Variants in GAS2 observed in about 807,000 individuals in gnomAD.
GAS2 encodes growth arrest specific 2.
In GAS2, 20 loss-of-function variants were observed where a neutral mutation model predicts 37.5. That is an observed-to-expected ratio of 0.53 (90% CI 0.37 to 0.77). The LOEUF (loss-of-function observed/expected upper bound fraction) is 0.77, where lower values mean the gene tolerates loss of function less well. GAS2 is among the 30% of genes least tolerant of loss of function. The probability of loss-of-function intolerance (pLI) is 0.00; values close to 1 mark genes in which losing one functional copy is unlikely to be tolerated. For missense variants in GAS2, 336 were observed against 373.4 expected (o/e 0.90, Z 0.82); for synonymous variants, 144 against 132.2 (o/e 1.09, Z -0.61).
chr11:22,674,234 C>A (rs405580), intron 1 of GAS2, among the ~76,000 whole-genome samples: 1 of 149,542 alleles, frequency 6.7e-6, no homozygotes, highest in Admixed American at 6.6e-5. Flanking sequence ...TTTTATTTTT[C>A]TTTTTTTGGT....
chr11:22,659,481 T>C (rs936356014), intron 1 of GAS2, among the ~76,000 whole-genome samples: 1 of 152,190 alleles, frequency 6.6e-6, no homozygotes, highest in African/African-American at 2.4e-5. Context: ...AGATTATTTC[T>C]GTGTAGGATT....
At position 22,812,028 on chromosome 11, in the gene GAS2, C is replaced by G. The variant is rs761424419; in HGVS notation, c.*12C>G. On this transcript the variant is annotated 3_prime_UTR_variant, in exon 8 of 8. Coordinates refer to ENST00000454584, the MANE Select transcript of GAS2 (RefSeq NM_001143830.3). ...AGGAAATTAAGTGAAACAAATTGGT[C>G]ATGACAAGGGGACCCTCATAATGGC... 2 of 1,602,140 alleles carry G rather than the reference C, an allele frequency of 1.2e-6. No homozygotes were observed. Among genetic ancestry groups the G allele is most frequent in the South Asian group, 2.2e-5 (2 of 90,774 alleles).
intron 1 of GAS2, among the ~76,000 whole-genome samples, chr11:22,659,758 C>T (rs925500106): frequency 1.4e-4 from 21 of 151,442 alleles, no homozygotes; most frequent in Non-Finnish European, 4.4e-5. Flanking sequence ...TAGTTTTTAT[C>T]TAAGACATTT....
intron 7 of GAS2, among the ~76,000 whole-genome samples, chr11:22,796,249 A>C (rs1384055379): frequency 6.6e-6 from 1 of 152,046 alleles, no homozygotes; most frequent in Non-Finnish European, 1.5e-5. Context: ...CTCCTTTATT[A>C]AACTGCATTT....
intron 2 of GAS2, 47 bp downstream of exon 2, chr11:22,675,061 T>G: frequency 6.3e-7 from 1 of 1,594,706 alleles, no homozygotes; most frequent in East Asian, 2.2e-5. Flanking sequence ...ACAGTTTTTG[T>G]TTTATTTTTC....
intron 1 of GAS2, among the ~76,000 whole-genome samples, chr11:22,643,372 T>G (rs1848652258): frequency 6.6e-6 from 1 of 151,998 alleles, no homozygotes; most frequent in Non-Finnish European, 1.5e-5. Context: ...CAGAAACTAC[T>G]TAAGTACTTG....
intron 5 of GAS2, among the ~76,000 whole-genome samples, chr11:22,746,315 G>A (rs1853399506): frequency 6.6e-6 from 1 of 152,154 alleles, no homozygotes; most frequent in African/African-American, 2.4e-5. Context: ...GAGATTTTGT[G>A]AAGAGCTGAG....
At chr11:22,766,862 A>T (rs1041135017) in intron 7 of GAS2, among the ~76,000 whole-genome samples, 3 of 151,978 alleles carry the variant, frequency 2.0e-5, no homozygotes, top group Admixed American at 6.5e-5. Flanking sequence ...TTCAATAGGT[A>T]TGGAAGGATT....
chr11:22,765,286 G>C (rs1854627415), intron 7 of GAS2, among the ~76,000 whole-genome samples: 2 of 152,128 alleles, frequency 1.3e-5, no homozygotes, highest in Non-Finnish European at 1.5e-5. Flanking sequence ...TGTGTATAGT[G>C]AAAAGCAACA....
chr11:22,724,035 G>C (rs1008585137), intron 3 of GAS2, among the ~76,000 whole-genome samples: 12 of 151,714 alleles, frequency 7.9e-5, no homozygotes, highest in African/African-American at 2.9e-4. Context: ...ATCAATTTAT[G>C]CATGTCCTTC....
chr11:22,679,849 A>AT (rs1434504418), intron 2 of GAS2, among the ~76,000 whole-genome samples: 1 of 149,924 alleles, frequency 6.7e-6, no homozygotes, highest in Non-Finnish European at 1.5e-5. Context: ...ATTAAAAATC[A>AT]AGTTGTGCTG....
rs1195202525 is a variant in GAS2 at position 22,637,251 on chromosome 11, G to T, written c.-21+11438G>T. Among the ~76,000 whole-genome samples, 21 of 18,794 alleles carry T rather than the reference G, an allele frequency of 1.1e-3. 1 individual carries two copies. The highest frequency in any genetic ancestry group is 2.6e-3 in the South Asian group (1 of 378). The allele number at this position is 18,794 out of a possible 152,430, so 12.3% of individuals were successfully genotyped here. ...TAATATAATATTAATTATATTAATA[G>T]TATACTAATATATTAATTATATTAA... On this transcript the variant is annotated intron_variant, in intron 1 of 5. Coordinates refer to the GAS2 transcript ENST00000528582.
intron 3 of GAS2, among the ~76,000 whole-genome samples, chr11:22,723,537 C>T (rs2134150606): frequency 6.6e-6 from 1 of 152,100 alleles, no homozygotes; most frequent in South Asian, 2.1e-4. Context: ...TCAAATCAAT[C>T]TCTTGCTTCT....
At chr11:22,667,862 C>G (rs1849045070) in intron 1 of GAS2, among the ~76,000 whole-genome samples, 1 of 152,166 alleles carries the variant, frequency 6.6e-6, no homozygotes, top group Admixed American at 6.5e-5. Flanking sequence ...TCATCTTCAT[C>G]CTCTCACCTC....
At chr11:22,735,548 T>C (rs918197087) in intron 4 of GAS2, among the ~76,000 whole-genome samples, 13 of 151,820 alleles carry the variant, frequency 8.6e-5, no homozygotes, top group Admixed American at 3.3e-4. Flanking sequence ...AGAGTTGATA[T>C]TGAGTTTTGG....
intron 2 of GAS2, among the ~76,000 whole-genome samples, chr11:22,679,299 T>C (rs1394268382): frequency 6.6e-6 from 1 of 152,132 alleles, no homozygotes; most frequent in Non-Finnish European, 1.5e-5. Context: ...TGTTGCCTAT[T>C]GTACATTAAA....
intron 7 of GAS2, among the ~76,000 whole-genome samples, chr11:22,773,555 G>A (rs538391750): frequency 6.6e-5 from 10 of 151,776 alleles, no homozygotes; most frequent in Admixed American, 1.3e-4. Context: ...CACCATGCCC[G>A]GCTAATATTT....
chr11:22,640,834 A>G (rs1040640006), intron 1 of GAS2, among the ~76,000 whole-genome samples: 3 of 152,162 alleles, frequency 2.0e-5, no homozygotes, highest in African/African-American at 7.2e-5. Context: ...AAGTTTGTGA[A>G]TTACTGCTCT....
chr11:22,785,871 G>A (rs1855796119), intron 7 of GAS2, among the ~76,000 whole-genome samples: 1 of 152,108 alleles, frequency 6.6e-6, no homozygotes, highest in Admixed American at 6.6e-5. Flanking sequence ...TCTGGAAGAT[G>A]TCAACATATT....
Sources: gnomAD v4.1 joint callset for allele counts (sites outside exome capture counted in the v4.1 genomes callset) on GRCh38, gnomAD v4.1.1 for gene constraint, MANE v1.5 for transcripts, NCBI Gene and HGNC (gene_info 2026-07-23, HGNC 2026-07-21) for gene names.